The following NYAP2 variants were observed in gnomAD, a reference collection of about 807,000 sequenced individuals.
NYAP2 encodes the protein neuronal tyrosine-phosphorylated phosphoinositide-3-kinase adaptor 2, also known as neuronal tyrosine-phosphorylated phosphoinositide-3-kinase adapter 2.
A neutral mutation model predicts 50.4 loss-of-function variants in NYAP2; 23 were observed. The observed-to-expected ratio is 0.46, with a 90% CI of 0.33 to 0.65. NYAP2 has a LOEUF of 0.65. Ranked by LOEUF, NYAP2 falls within the 30% of genes least tolerant of loss-of-function variation. NYAP2 has a pLI of 0.02. For missense variants in NYAP2, 885 were observed against 861.0 expected (o/e 1.03, Z -0.35); for synonymous variants, 394 against 365.2 (o/e 1.08, Z -0.90).
chr2:225,399,857 C>A (rs1049150093), exon 1 of NYAP2: 4 of 152,178 alleles, frequency 2.6e-5, no homozygotes, highest in Admixed American at 2.0e-4. Context: ...TATAACTTAA[C>A]CATTCTCTGT....
chr2:225,688,109 G>A, the NYAP2 span, among the ~76,000 whole-genome samples: 1 of 152,110 alleles, frequency 6.6e-6, no homozygotes, highest in Non-Finnish European at 1.5e-5. Flanking sequence ...ATTGATTTGT[G>A]TCTCAACTTC....
At chr2:225,602,125 C>T (rs937232740) in intron 5 of NYAP2, among the ~76,000 whole-genome samples, 1 of 152,164 alleles carries the variant, frequency 6.6e-6, no homozygotes, top group Admixed American at 6.6e-5. Flanking sequence ...AGCTATGGGA[C>T]TCAGTCTGGG....
At chr2:225,625,398 C>T (rs1693192169) in intron 5 of NYAP2, among the ~76,000 whole-genome samples, 1 of 152,148 alleles carries the variant, frequency 6.6e-6, no homozygotes, top group Admixed American at 6.6e-5. Context: ...ACCTCAATAC[C>T]TGCCTTAAAA....
intron 3 of NYAP2, among the ~76,000 whole-genome samples, chr2:225,493,185 C>T (rs1690439236): frequency 6.6e-6 from 1 of 152,050 alleles, no homozygotes; most frequent in African/African-American, 2.4e-5. Context: ...AGGGGTCTTG[C>T]CATGTTGCCC....
At chr2:225,522,569 A>G (rs1256754608) in intron 4 of NYAP2, among the ~76,000 whole-genome samples, 1 of 152,168 alleles carries the variant, frequency 6.6e-6, no homozygotes, top group Admixed American at 6.6e-5. Context: ...ATTACCCAAA[A>G]AAGTAATTTA....
intron 3 of NYAP2, among the ~76,000 whole-genome samples, chr2:225,418,770 T>C (rs1695166452): frequency 6.6e-6 from 1 of 152,228 alleles, no homozygotes; most frequent in Admixed American, 6.5e-5. Context: ...TTAACACTTT[T>C]ATAAAACTTT....
downstream of NYAP2, among the ~76,000 whole-genome samples, chr2:225,656,769 G>A (rs1169852984): frequency 1.3e-5 from 2 of 151,634 alleles, no homozygotes; most frequent in African/African-American, 2.4e-5. Flanking sequence ...TTCTTTGCAG[G>A]GACTGTGCTC....
chr2:225,692,828 A>C, the NYAP2 span, among the ~76,000 whole-genome samples: 8 of 151,926 alleles, frequency 5.3e-5, no homozygotes, highest in Non-Finnish European at 1.2e-4. Context: ...AGTTAAAATT[A>C]AGATTTGAAA....
intron 3 of NYAP2, among the ~76,000 whole-genome samples, chr2:225,499,604 C>G (rs1158459959): frequency 6.6e-6 from 1 of 152,152 alleles, no homozygotes; most frequent in African/African-American, 2.4e-5. Context: ...GCTTGAGCCA[C>G]CGCTTTAAGA....
intron 3 of NYAP2, among the ~76,000 whole-genome samples, chr2:225,415,505 C>T (rs755947092): frequency 1.3e-5 from 2 of 152,110 alleles, no homozygotes; most frequent in African/African-American, 2.4e-5. Context: ...CATAAATCCT[C>T]TTTAGATAGT....
intron 4 of NYAP2, among the ~76,000 whole-genome samples, chr2:225,548,302 T>C (rs762151801): frequency 6.7e-5 from 10 of 149,034 alleles, no homozygotes; most frequent in Non-Finnish European, 1.0e-4. Context: ...TTAACTCTTA[T>C]AGTCAAGAGG....
chr2:225,581,242 A>G (rs1055665716), intron 4 of NYAP2, among the ~76,000 whole-genome samples: 2 of 152,234 alleles, frequency 1.3e-5, no homozygotes, highest in Non-Finnish European at 2.9e-5. Flanking sequence ...TATCTAATAA[A>G]TTCATTCTGA....
chr2:225,697,994 G>C, the NYAP2 span, among the ~76,000 whole-genome samples: 1 of 151,734 alleles, frequency 6.6e-6, no homozygotes, highest in Non-Finnish European at 1.5e-5. Flanking sequence ...GCAATATAGA[G>C]AGACCTCATC....
chr2:225,672,066 A>G, the NYAP2 span, among the ~76,000 whole-genome samples: 1 of 152,150 alleles, frequency 6.6e-6, no homozygotes, highest in African/African-American at 2.4e-5. Flanking sequence ...TTGAAATAGT[A>G]AATGAGCATT....
chr2:225,697,328 T>A, the NYAP2 span, among the ~76,000 whole-genome samples: 1 of 152,016 alleles, frequency 6.6e-6, no homozygotes, highest in Non-Finnish European at 1.5e-5. Context: ...TTCTAAATTT[T>A]TGAAGTTGAT....
chr2:225,580,449 C>T (rs1483478331), intron 4 of NYAP2, among the ~76,000 whole-genome samples: 1 of 152,228 alleles, frequency 6.6e-6, no homozygotes, highest in African/African-American at 2.4e-5. Context: ...TTTACTGCTA[C>T]AGCCTCCCCC....
chr2:225,407,645 A>G (rs185898900), intron 2 of NYAP2, among the ~76,000 whole-genome samples: 1 of 152,148 alleles, frequency 6.6e-6, no homozygotes, highest in East Asian at 1.9e-4. Flanking sequence ...TGGGAGTTTT[A>G]CATCAAATAG....
chr2:225,432,810 A>G (rs1459470634), intron 3 of NYAP2, among the ~76,000 whole-genome samples: 1 of 152,144 alleles, frequency 6.6e-6, no homozygotes, highest in Non-Finnish European at 1.5e-5. Context: ...TATTTTTCTC[A>G]CCTGTCTTCT....
chr2:225,666,345 A>C, the NYAP2 span, among the ~76,000 whole-genome samples: 1 of 152,164 alleles, frequency 6.6e-6, no homozygotes, highest in African/African-American at 2.4e-5. Context: ...ATTTGAAGAG[A>C]TTTATTCTGA....
Sources: allele counts gnomAD v4.1 joint callset (sites outside exome capture counted in the v4.1 genomes callset), GRCh38; gene constraint gnomAD v4.1.1; transcripts MANE v1.5; gene names NCBI Gene and HGNC (gene_info 2026-07-23, HGNC 2026-07-21).